Variants in ADGRV1 observed in about 807,000 individuals in gnomAD.
ADGRV1 encodes G-protein coupled receptor 98.
ADGRV1 carries 359 observed loss-of-function variants against 596.2 expected under a neutral mutation model. The ratio of observed to expected loss-of-function variants is 0.60; its 90% CI spans 0.55 to 0.66. ADGRV1 has a LOEUF of 0.66. Ranked by LOEUF, ADGRV1 falls within the 30% of genes least tolerant of loss-of-function variation. The pLI, the probability that ADGRV1 is intolerant of heterozygous loss-of-function variation, is 0.00. For missense variants in ADGRV1, 7,274 were observed against 7,575.6 expected (o/e 0.96, Z 1.48); for synonymous variants, 2,681 against 2,679.2 (o/e 1.00, Z -0.02).
At chr5:91,060,391 TATATATA>T (rs1787305914) in intron 85 of ADGRV1, among the ~76,000 whole-genome samples, 2 of 18,796 alleles carry the variant, frequency 1.1e-4, no homozygotes, top group South Asian at 2.1e-3. Context: ...TATATATATA[TATATATA>T]TTTTTTTTTT....
chr5:90,634,541 C>T (rs970546713), intron 9 of ADGRV1, among the ~76,000 whole-genome samples: 1 of 152,084 alleles, frequency 6.6e-6, no homozygotes, highest in African/African-American at 2.4e-5. Flanking sequence ...TCTGAGTAGT[C>T]TTCTGATACT....
rs1745276608 is a variant in ADGRV1 at position 90,683,970 on chromosome 5, A to G, written c.6049A>G (p.Thr2017Ala). 1 of 1,613,838 alleles carries G rather than the reference A, an allele frequency of 6.2e-7. No individual in the cohort carries two copies. The highest frequency in any genetic ancestry group is 8.5e-7 in the Non-Finnish European group (1 of 1,179,872). ...LMGKVLVSYA[T>A]LDDMEKPPYF... is the part of the protein sequence containing the mutation. ...GGGAAAAGTCCTTGTCTCATATGCA[A>G]CACTAGATGATATGGAAAAACCACC... The change falls in exon 28 of 90, where the codon ACA (threonine) becomes GCA (alanine). Residue 2017 changes from threonine (T) to alanine (A), a missense_variant. By Grantham distance (58) the Thr-to-Ala change is moderately conservative. Coordinates refer to ENST00000405460, the MANE Select transcript of ADGRV1 (RefSeq NM_032119.4).
intron 23 of ADGRV1, chr5:90,674,487 A>G: frequency 3.3e-6 from 1 of 298,660 alleles, no homozygotes; most frequent in Non-Finnish European, 6.1e-6. Context: ...GGAACAAAGT[A>G]TTTCTGTTCA....
rs542339811 is a variant in ADGRV1 at position 91,048,439 on chromosome 5, G to A, written c.18153-24008G>A. 1.2e-4 allele frequency among the ~76,000 whole-genome samples: 18 copies of A among 152,302 alleles called. No individual in the cohort carries two copies. The South Asian group carries it at 3.5e-3, about 30-fold the overall frequency. On this transcript the variant is annotated intron_variant, in intron 85 of 89. Transcript: ENST00000405460. ...CACCTCTTTTTCTAGCCTGCTGCTA[G>A]AGTAGCAAGCCAGCCTCTCTCTCAC...
intron 84 of ADGRV1, among the ~76,000 whole-genome samples, chr5:90,966,256 C>G (rs1778446349): frequency 6.6e-6 from 1 of 152,062 alleles, no homozygotes; most frequent in Non-Finnish European, 1.5e-5. Context: ...GAGGGCGATA[C>G]ATTTAGAAAT....
chr5:90,646,775 CTTT>C (rs550562464), intron 16 of ADGRV1, among the ~76,000 whole-genome samples: 3 of 96,524 alleles, frequency 3.1e-5, no homozygotes, highest in Non-Finnish European at 4.2e-5. Context: ...CTTTCTTCTT[CTTT>C]TTTTTTTTTT....
chr5:90,893,882 C>T (rs1771059339), intron 83 of ADGRV1, among the ~76,000 whole-genome samples: 1 of 152,118 alleles, frequency 6.6e-6, no homozygotes, highest in Non-Finnish European at 1.5e-5. Context: ...TCACACTGTT[C>T]AATGTATTTC....
chr5:90,859,081 C>T (rs145715925), intron 82 of ADGRV1, among the ~76,000 whole-genome samples: 335 of 152,268 alleles, frequency 2.2e-3, no homozygotes, highest in African/African-American at 7.7e-3. Context: ...TTTATCTTTC[C>T]GAACATTGCC....
Position 91,082,381 on chromosome 5 carries a change from C to T in ADGRV1, c.18310+9777C>T, listed in dbSNP as rs536072787. ...TTACTGTATTGCCCAGGATGGAGTG[C>T]CGTGGCACAATCATAGCTCCCTGCA... On this transcript the variant is annotated intron_variant, in intron 86 of 89. Transcript: ENST00000405460. Among the ~76,000 whole-genome samples, 5 of 152,202 alleles carry T rather than the reference C, an allele frequency of 3.3e-5. No individual in the cohort carries two copies. The East Asian group carries it at 9.7e-4, about 29-fold the overall frequency.
chr5:91,073,802 A>G (rs910192392), intron 86 of ADGRV1, among the ~76,000 whole-genome samples: 1 of 152,170 alleles, frequency 6.6e-6, no homozygotes, highest in Non-Finnish European at 1.5e-5. Context: ...GATTCAAGCA[A>G]TTCTCCTTCC....
rs1028094819 is a variant in ADGRV1, at chr5:90,793,570, C to T, written c.14517+2224C>T. ...TGATGTATATTACATGGACTAACAC[C>T]CTTGATCTGCCTAGTTGTTAGATTG... On this transcript the variant is annotated intron_variant, in intron 70 of 89. Coordinates refer to ENST00000405460, the MANE Select transcript of ADGRV1 (RefSeq NM_032119.4). 4.6e-5 allele frequency among the ~76,000 whole-genome samples: 7 copies of T among 152,224 alleles called. No homozygotes were observed. The South Asian group carries it at 6.2e-4, about 14-fold the overall frequency.
chr5:90,812,605 AT>A (rs916484681), intron 74 of ADGRV1, among the ~76,000 whole-genome samples: 1 of 152,138 alleles, frequency 6.6e-6, no homozygotes, highest in Non-Finnish European at 1.5e-5. Context: ...TAGAGTTCGT[AT>A]TTTATTTTAG....
chr5:90,569,169 CT>C (rs1756057737), intron 1 of ADGRV1, among the ~76,000 whole-genome samples: 2 of 151,824 alleles, frequency 1.3e-5, no homozygotes, highest in Admixed American at 6.6e-5. Flanking sequence ...ACCCACCCCC[CT>C]AATAGCAGTA....
At chr5:90,882,422 A>G (rs1561891195) in intron 83 of ADGRV1, among the ~76,000 whole-genome samples, 1 of 152,240 alleles carries the variant, frequency 6.6e-6, no homozygotes, top group Non-Finnish European at 1.5e-5. Context: ...ACTTGCTCAC[A>G]GTCTCCTGTA....
At chr5:90,726,841 T>C (rs1235281980) in intron 48 of ADGRV1, among the ~76,000 whole-genome samples, 2 of 152,216 alleles carry the variant, frequency 1.3e-5, no homozygotes, top group African/African-American at 4.8e-5. Context: ...ATATCAGCAA[T>C]AGGCTAGCGT....
intron 83 of ADGRV1, among the ~76,000 whole-genome samples, chr5:90,906,744 C>T (rs1406133779): frequency 6.6e-6 from 1 of 151,968 alleles, no homozygotes; most frequent in Non-Finnish European, 1.5e-5. Flanking sequence ...TTGCTGCTCT[C>T]TTCTTTATTA....
intron 22 of ADGRV1, 139 bp from the exon 23 acceptor site, chr5:90,673,907 CAATGTTTT>C (rs1411284157): frequency 3.3e-6 from 2 of 610,446 alleles, no homozygotes; most frequent in African/African-American, 3.7e-5. Context: ...CACACACATA[CAATGTTTT>C]AATGTTTTAA....
rs115513330 is a variant in ADGRV1 at position 90,986,870 on chromosome 5, C to T, written c.18152+1348C>T. Among the ~76,000 whole-genome samples the T allele has an allele frequency of 2.9e-3, 437 of 152,150 alleles. 2 individuals are homozygous for T. Among genetic ancestry groups the T allele is most frequent in the African/African-American group, 9.0e-3 (374 of 41,508 alleles). The stretch of plus-strand genomic sequence containing the variant: ...TATGCAAAGTAACCACGAAGCAAGC[C>T]GTGGTGGCTAGCAGATCATTCTTTT... On this transcript the variant is annotated intron_variant, in intron 85 of 89. Coordinates refer to ENST00000405460, the MANE Select transcript of ADGRV1 (RefSeq NM_032119.4).
intron 21 of ADGRV1, among the ~76,000 whole-genome samples, chr5:90,665,654 T>A (rs61008196): frequency 4.8e-5 from 7 of 146,606 alleles, no homozygotes; most frequent in African/African-American, 1.3e-4. Flanking sequence ...GCCTTCTGCT[T>A]GCTTTTGAAT....
Sources: gnomAD v4.1 joint callset for allele counts (sites outside exome capture counted in the v4.1 genomes callset) on GRCh38, gnomAD v4.1.1 for gene constraint, MANE v1.5 for transcripts, NCBI Gene and HGNC (gene_info 2026-07-23, HGNC 2026-07-21) for gene names.